Variants in IMMP2L observed in about 807,000 individuals in gnomAD.
IMMP2L encodes inner mitochondrial membrane peptidase subunit 2, also known as mitochondrial inner membrane protease subunit 2.
IMMP2L carries 18 observed loss-of-function variants against 19.3 expected under a neutral mutation model. The observed-to-expected ratio is 0.93, with a 90% CI of 0.64 to 1.38. The LOEUF (loss-of-function observed/expected upper bound fraction) is 1.38. IMMP2L is among the 40% of genes most tolerant of loss of function. IMMP2L has a pLI of 0.00. For missense variants in IMMP2L, 233 were observed against 218.2 expected (o/e 1.07, Z -0.43); for synonymous variants, 76 against 73.0 (o/e 1.04, Z -0.21).
At chr7:110,950,043 C>A (rs1459768702) in intron 4 of IMMP2L, among the ~76,000 whole-genome samples, 1 of 152,098 alleles carries the variant, frequency 6.6e-6, no homozygotes, top group African/African-American at 2.4e-5. Context: ...TTGCAAAAAC[C>A]ACTGTCATGA....
chr7:111,337,696 G>T (rs1409155506), intron 3 of IMMP2L, among the ~76,000 whole-genome samples: 2 of 151,250 alleles, frequency 1.3e-5, no homozygotes, highest in Non-Finnish European at 2.9e-5. Context: ...TGAATGGGCA[G>T]GTAGGCTGAC....
intron 5 of IMMP2L, among the ~76,000 whole-genome samples, chr7:110,705,581 T>C (rs986990620): frequency 2.6e-5 from 4 of 152,136 alleles, no homozygotes; most frequent in Non-Finnish European, 1.5e-5. Flanking sequence ...TTTTAAATAA[T>C]TTCAACTTTT....
At chr7:111,322,206 C>A (rs1424283763) in intron 3 of IMMP2L, among the ~76,000 whole-genome samples, 1 of 151,830 alleles carries the variant, frequency 6.6e-6, no homozygotes, top group Admixed American at 6.6e-5. Context: ...TTGATAACTA[C>A]TAAACAATTA....
At chr7:111,058,335 T>C (rs1027248554) in intron 3 of IMMP2L, among the ~76,000 whole-genome samples, 2 of 152,182 alleles carry the variant, frequency 1.3e-5, no homozygotes, top group African/African-American at 4.8e-5. Flanking sequence ...TTATAATGTG[T>C]ATTTTACACT....
chr7:111,451,734 G>C (rs1325411715), intron 3 of IMMP2L, among the ~76,000 whole-genome samples: 1 of 147,414 alleles, frequency 6.8e-6, no homozygotes, highest in Non-Finnish European at 1.5e-5. Context: ...AAAAAGAACA[G>C]GGAAGAACAA....
chr7:111,424,812 C>A (rs1206430144), intron 3 of IMMP2L, among the ~76,000 whole-genome samples: 1 of 151,810 alleles, frequency 6.6e-6, no homozygotes, highest in Non-Finnish European at 1.5e-5. Flanking sequence ...CATATTTTGA[C>A]TTTGCAACTT....
At chr7:111,487,832 T>C (rs1458953518) in intron 2 of IMMP2L, among the ~76,000 whole-genome samples, 1 of 152,194 alleles carries the variant, frequency 6.6e-6, no homozygotes, top group Non-Finnish European at 1.5e-5. Flanking sequence ...ATTACCATTA[T>C]AAAATGTATG....
intron 5 of IMMP2L, among the ~76,000 whole-genome samples, chr7:110,713,327 T>C (rs1414697122): frequency 6.6e-6 from 1 of 152,208 alleles, no homozygotes. Context: ...CATTACTAGT[T>C]TGAAGTCAGG....
At chr7:110,698,430 A>G (rs1377750146) in intron 5 of IMMP2L, among the ~76,000 whole-genome samples, 4 of 152,138 alleles carry the variant, frequency 2.6e-5, no homozygotes, top group Non-Finnish European at 2.9e-5. Flanking sequence ...GAGCCTTATT[A>G]TTTCATTGTA....
chr7:110,837,425 G>A (rs1804609047), intron 5 of IMMP2L, among the ~76,000 whole-genome samples: 1 of 151,824 alleles, frequency 6.6e-6, no homozygotes, highest in Non-Finnish European at 1.5e-5. Flanking sequence ...GGTAAGGGTG[G>A]GGAATATGCA....
In IMMP2L at chr7:111,240,863, A is replaced by AT. The variant is rs905265617; in HGVS notation, c.239+246374dup. 3.3e-5 allele frequency among the ~76,000 whole-genome samples: 5 copies of AT among 152,012 alleles called. No homozygotes were observed. In the East Asian group the frequency reaches 5.8e-4, roughly 18 times the overall value. The stretch of plus-strand genomic sequence containing the variant: ...CCATACTTAAGTCACACTTAATGTG[A>AT]TTTTTTTAACATCACACTAGACATC... On this transcript the variant is annotated intron_variant, in intron 3 of 5. Transcript: ENST00000405709.
chr7:111,155,887 A>C (rs1288163408), intron 3 of IMMP2L, among the ~76,000 whole-genome samples: 1 of 152,070 alleles, frequency 6.6e-6, no homozygotes, highest in South Asian at 2.1e-4. Flanking sequence ...TTGCCTCTTT[A>C]AAAGTAACAA....
In IMMP2L at chr7:110,802,147, A is replaced by G. The variant is rs763552170; in HGVS notation, c.408+84446T>C. 4.1e-4 allele frequency among the ~76,000 whole-genome samples: 63 copies of G among 152,228 alleles called. 1 individual carries two copies. The highest frequency in any genetic ancestry group is 7.1e-4 in the Non-Finnish European group (48 of 68,008). ...TGATCTTGGTCATCTTTGAATATAG[A>G]TAAGAATCCTTGGTCTACCCTAGCA... is the stretch of plus-strand genomic sequence containing the variant. On this transcript the variant is annotated intron_variant, in intron 5 of 5. Coordinates refer to ENST00000405709, the MANE Select transcript of IMMP2L (RefSeq NM_032549.4).
chr7:111,168,301 T>C (rs544462411), intron 3 of IMMP2L, among the ~76,000 whole-genome samples: 84 of 151,950 alleles, frequency 5.5e-4, no homozygotes, highest in Non-Finnish European at 9.6e-4. Context: ...TCTACAGACC[T>C]GAACCTTTGC....
At chr7:111,334,909 G>A (rs566470795) in intron 3 of IMMP2L, among the ~76,000 whole-genome samples, 5 of 152,034 alleles carry the variant, frequency 3.3e-5, no homozygotes, top group African/African-American at 7.2e-5. Flanking sequence ...GTCAGGTAAC[G>A]ATGGAATTCA....
rs573046032 is a variant in IMMP2L at position 110,679,388 on chromosome 7, C to T, written c.409-15667G>A. Among the ~76,000 whole-genome samples, 3 of 152,216 alleles carry T rather than the reference C, an allele frequency of 2.0e-5. No homozygotes were observed. In the South Asian group the frequency reaches 6.2e-4, roughly 32 times the overall value. On this transcript the variant is annotated intron_variant, in intron 5 of 5. Transcript: ENST00000405709. Reference sequence around the variant, plus strand: ...AATCCAAGGTGGATGGATGACATTACCAACCGATGTCTCATTGTTTGCTTG... The same window carrying T: ...AATCCAAGGTGGATGGATGACATTATCAACCGATGTCTCATTGTTTGCTTG...
At chr7:111,111,299 TAAAAAAAAAAAA>T (rs751990466) in intron 3 of IMMP2L, among the ~76,000 whole-genome samples, 13 of 92,282 alleles carry the variant, frequency 1.4e-4, no homozygotes, top group African/African-American at 4.6e-4. Flanking sequence ...GTAGCAGTTG[TAAAAAAAAAAAA>T]AAAAAAAAAA....
rs577642309 is a variant in IMMP2L, at chr7:110,741,401, C to G, written c.409-77680G>C. On this transcript the variant is annotated intron_variant, in intron 5 of 5. Transcript: ENST00000405709. Reference sequence around the variant, plus strand: ...CAGTGTGATTGTAGCAAGAAGTGGGCCTTTAGGAGGTAATTATGCCATGAG... The same window carrying G: ...CAGTGTGATTGTAGCAAGAAGTGGGGCTTTAGGAGGTAATTATGCCATGAG... 2.4e-3 allele frequency among the ~76,000 whole-genome samples: 370 copies of G among 152,260 alleles called. 1 individual carries two copies. The highest frequency in any genetic ancestry group is 8.3e-3 in the African/African-American group (344 of 41,548).
At chr7:111,522,080 C>T (rs139510190) in intron 1 of IMMP2L, among the ~76,000 whole-genome samples, 7 of 152,134 alleles carry the variant, frequency 4.6e-5, no homozygotes, top group Middle Eastern at 3.4e-3. Flanking sequence ...CAAAATGGAA[C>T]GATCCTAGGT....
Sources: allele counts gnomAD v4.1 joint callset (sites outside exome capture counted in the v4.1 genomes callset), GRCh38; gene constraint gnomAD v4.1.1; transcripts MANE v1.5; gene names NCBI Gene and HGNC (gene_info 2026-07-23, HGNC 2026-07-21).